Variants in RBM5 observed in about 807,000 individuals in gnomAD.
RBM5 encodes RNA-binding protein 5.
Under a neutral mutation model 124.6 loss-of-function variants are expected in RBM5, and 15 were observed. That is an observed-to-expected ratio of 0.12 (90% CI 0.08 to 0.19). RBM5 has a LOEUF of 0.19. RBM5 is among the 10% of genes least tolerant of loss of function. The probability of loss-of-function intolerance (pLI) is 1.00; values close to 1 mark genes in which losing one functional copy is unlikely to be tolerated. For synonymous variants in RBM5, 337 were observed against 361.2 expected (o/e 0.93, Z 0.76); for missense variants, 580 against 1,026.5 (o/e 0.57, Z 5.94).
intron 24 of RBM5, chr3:50,118,059 A>G (rs2091290329): frequency 4.2e-6 from 2 of 475,934 alleles, no homozygotes; most frequent in South Asian, 2.5e-5. Context: ...CTTCAGAGGA[A>G]TACTTTGGGG....
chr3:50,092,232 C>G, intron 3 of RBM5, 24 bp downstream of exon 3: 1 of 1,604,814 alleles, frequency 6.2e-7, no homozygotes, highest in South Asian at 1.1e-5. Flanking sequence ...GGCTGTATAA[C>G]CCCCCAAAAC....
chr3:50,106,741 T>G (rs752710710), intron 10 of RBM5, 26 bp from the exon 11 acceptor site: 2 of 1,511,728 alleles, frequency 1.3e-6, no homozygotes, highest in East Asian at 2.3e-5. Flanking sequence ...GCATTACACG[T>G]TTTTTTCCTT....
Position 50,117,416 on chromosome 3 carries a change from T to A in RBM5, c.2322+37T>A, listed in dbSNP as rs1334567093. The A allele has an allele frequency of 4.3e-6, 7 of 1,610,198 alleles. No homozygotes were observed. Among genetic ancestry groups the A allele is most frequent in the Non-Finnish European group, 5.9e-6 (7 of 1,178,190 alleles). On this transcript the variant is annotated intron_variant, in intron 24 of 24. Coordinates refer to ENST00000347869, the MANE Select transcript of RBM5 (RefSeq NM_005778.4). The surrounding 1 kb of genome is among the most constrained non-coding windows in gnomAD (Gnocchi z 4.2). ...GGTCAGGTCTTGATGTTTGCCAGGC[T>A]TACAGGCCGGTTCCAGAGATGAGAT...
chr3:50,113,682 A>G (rs2091189184), intron 18 of RBM5, 138 bp downstream of exon 18: 2 of 1,093,518 alleles, frequency 1.8e-6, no homozygotes, highest in African/African-American at 1.6e-5. Context: ...TTCTTAGAGC[A>G]TTTTGCAATT....
intron 8 of RBM5, chr3:50,104,803 T>C: frequency 2.6e-6 from 1 of 383,836 alleles, no homozygotes; most frequent in Non-Finnish European, 4.7e-6. Context: ...AGAAAGTTCT[T>C]TTGTTTTCTA....
intron 4 of RBM5, among the ~76,000 whole-genome samples, chr3:50,096,592 CTATTTT>C (rs1028714072): frequency 2.4e-4 from 37 of 151,970 alleles, no homozygotes; most frequent in Admixed American, 9.8e-4. Context: ...AAGGAATCTT[CTATTTT>C]TATTTTTGTG....
At chr3:50,102,820 G>A in intron 6 of RBM5, 1 of 434,192 alleles carries the variant, frequency 2.3e-6, no homozygotes, top group East Asian at 4.8e-5. Context: ...CTCCGCTGGA[G>A]ACACGGCCTG....
Position 50,108,155 on chromosome 3 carries a change from G to C in RBM5, c.1119+8G>C. On this transcript the variant is annotated splice_region_variant and intron_variant, in intron 13 of 24. Transcript: ENST00000347869. ...TATGCCCAATATGCTCAGGTAGGTA[G>C]ATTTTAGCAGCATCCACCTTATAGT... is the stretch of plus-strand genomic sequence containing the variant. 2 of 1,607,386 alleles carry C rather than the reference G, an allele frequency of 1.2e-6. No homozygotes were observed. The highest frequency in any genetic ancestry group is 1.1e-5 in the South Asian group (1 of 90,952).
chr3:50,097,597 G>A (rs2090845902), intron 4 of RBM5, among the ~76,000 whole-genome samples: 1 of 151,632 alleles, frequency 6.6e-6, no homozygotes, highest in South Asian at 2.1e-4. Flanking sequence ...TTTCATGGTA[G>A]TATTCATGCC....
At chr3:50,114,737 C>G (rs1008186457) in intron 20 of RBM5, 1 of 156,044 alleles carries the variant, frequency 6.4e-6, no homozygotes, top group Non-Finnish European at 1.4e-5. Context: ...CTCCTAGCTA[C>G]TTGGGATGCT....
intron 6 of RBM5, chr3:50,102,174 C>G (rs2090952730): frequency 6.6e-6 from 1 of 152,026 alleles, no homozygotes; most frequent in Admixed American, 6.6e-5. Flanking sequence ...CTTGATCCTC[C>G]CACCCCCAAG....
intron 22 of RBM5, chr3:50,116,811 CAG>C: frequency 2.2e-6 from 1 of 445,186 alleles, no homozygotes; most frequent in South Asian, 2.2e-5. Flanking sequence ...AGTAGCTTGA[CAG>C]AGGGTGGCTA....
Position 50,109,473 on chromosome 3 carries a change from A to T in RBM5, c.1193-130A>T. On this transcript the variant is annotated intron_variant, in intron 14 of 24. Coordinates refer to ENST00000347869, the MANE Select transcript of RBM5 (RefSeq NM_005778.4). ...AAATGTCACAGATTCCAGGGTACTTAGTGGAAGTTAGCTTATGAAGAACTG... is the reference window on the plus strand; with the variant it reads ...AAATGTCACAGATTCCAGGGTACTTTGTGGAAGTTAGCTTATGAAGAACTG... The T allele has an allele frequency of 4.2e-6, 3 of 707,990 alleles. No homozygotes were observed. The South Asian group carries it at 5.1e-5, about 12-fold the overall frequency. 43.9% of individuals were successfully genotyped at this position (707,990 alleles called of 1,614,324 possible).
chr3:50,110,704 G>A lies in RBM5; in HGVS notation c.1389G>A (p.Gln463=), dbSNP rs1342246521. Residue 463 remains glutamine (Q), a synonymous_variant, in exon 17 of 25, where the codon CAG becomes CAA. Coordinates refer to ENST00000347869, the MANE Select transcript of RBM5 (RefSeq NM_005778.4). ...KYAVPDTSTY[Q]YDESSGYYYD... The stretch of plus-strand genomic sequence containing the variant: ...CAGTACCTGACACGTCCACTTACCA[G>A]TATGATGAATCTTCAGGATATTACT... 6.2e-7 allele frequency: 1 copy of A among 1,613,454 alleles called. No homozygotes were observed. Among genetic ancestry groups the A allele is most frequent in the Non-Finnish European group, 8.5e-7 (1 of 1,179,636 alleles).
chr3:50,106,174 G>A (rs1406374845), intron 10 of RBM5, among the ~76,000 whole-genome samples: 2 of 110,216 alleles, frequency 1.8e-5, no homozygotes, highest in Admixed American at 1.4e-4. Flanking sequence ...TCGTTCTGTC[G>A]CCCAGGCTGG....
In RBM5 at chr3:50,115,779, T is replaced by C. The variant is rs934857018; in HGVS notation, c.2020-127T>C. ...TGGCAGCTCCACACACATCAAACTA[T>C]AGTTTTTATGTGATTGTGTATTGTT... is the stretch of plus-strand genomic sequence containing the variant. On this transcript the variant is annotated intron_variant, in intron 21 of 24. Coordinates refer to ENST00000347869, the MANE Select transcript of RBM5 (RefSeq NM_005778.4). 1.0e-5 allele frequency: 12 copies of C among 1,195,504 alleles called. No homozygotes were observed. The African/African-American group carries it at 1.2e-4, about 12-fold the overall frequency. 74.1% of individuals were successfully genotyped at this position (1,195,504 alleles called of 1,614,324 possible).
At position 50,113,443 on chromosome 3, in the gene RBM5, G is replaced by A. The variant is rs529780421; in HGVS notation, c.1516G>A (p.Val506Met). The change falls in exon 18 of 25, where the codon GTG becomes ATG. Residue 506 changes from valine to methionine, a missense_variant. This residue lies in a region of RBM5 where 234 missense variants were observed against 435.1 expected (regional missense o/e 0.54). Transcript: ENST00000347869. ...CTGGGATGGGGAAAAAGAGACCTAC[G>A]TGCCAGCTGCAGAGTCTAGCTCCCA... ...LYWDGEKETY[V>M]PAAESSSHQQ... 102 of 1,613,994 alleles carry A rather than the reference G, an allele frequency of 6.3e-5. 1 individual carries two copies. In the South Asian group the frequency reaches 9.6e-4, roughly 15 times the overall value.
chr3:50,118,599 C>T lies in RBM5; in HGVS notation c.*143C>T, dbSNP rs1007236307. On this transcript the variant is annotated 3_prime_UTR_variant, in exon 25 of 25. Transcript: ENST00000347869. ...ACCACTTCATTCTGCAGGGTTCTCCCTCCCACCTTAAAGAAGTTCCCCTTA... is the reference window on the plus strand; with the variant it reads ...ACCACTTCATTCTGCAGGGTTCTCCTTCCCACCTTAAAGAAGTTCCCCTTA... 1 of 1,297,948 alleles carries T rather than the reference C, an allele frequency of 7.7e-7. No homozygotes were observed. Among genetic ancestry groups the T allele is most frequent in the Admixed American group, 2.3e-5 (1 of 43,294 alleles). 80.4% of individuals were successfully genotyped at this position (1,297,948 alleles called of 1,614,324 possible).
chr3:50,114,358 G>T, intron 20 of RBM5, 107 bp downstream of exon 20: 1 of 1,087,878 alleles, frequency 9.2e-7, no homozygotes, highest in South Asian at 1.6e-5. Context: ...AACTGAATGT[G>T]ATCACTGTTG....
Sources: gnomAD v4.1 joint callset for allele counts (sites outside exome capture counted in the v4.1 genomes callset) on GRCh38, gnomAD v4.1.1 for gene constraint, gnomAD v4.1.1 regional missense constraint, Gnocchi (gnomAD v3.1) non-coding constraint, MANE v1.5 for transcripts, NCBI Gene and HGNC (gene_info 2026-07-23, HGNC 2026-07-21) for gene names.